TCF20: variants seen among roughly 807,000 people sequenced by gnomAD.
TCF20 encodes SPRE-binding protein.
Under a neutral mutation model 148.6 loss-of-function variants are expected in TCF20, and 3 were observed. The observed-to-expected ratio is 0.02, with a 90% CI of 0.01 to 0.05. The LOEUF (loss-of-function observed/expected upper bound fraction) is 0.05. Ranked by LOEUF, TCF20 falls within the 10% of genes least tolerant of loss-of-function variation. The pLI is 1.00. For synonymous variants in TCF20, 1,049 were observed against 909.5 expected (o/e 1.15, Z -2.76); for missense variants, 2,350 against 2,429.3 (o/e 0.97, Z 0.69).
chr22:42,189,818 C>T (rs1343482662), intron 2 of TCF20, among the ~76,000 whole-genome samples: 1 of 152,168 alleles, frequency 6.6e-6, no homozygotes, highest in Admixed American at 6.5e-5. Flanking sequence ...GTGTACCTTC[C>T]TTATATTCAG....
rs73887981 is a variant in TCF20 at position 42,262,754 on chromosome 22, G to A, written c.-37+7585C>T. Among the ~76,000 whole-genome samples the A allele has an allele frequency of 6.8e-3, 1,036 of 152,170 alleles. 7 individuals carry two copies. Among genetic ancestry groups the A allele is most frequent in the African/African-American group, 0.024 (1,003 of 41,500 alleles). On this transcript the variant is annotated intron_variant, in intron 1 of 5. Transcript: ENST00000677622. ...CAGCAGGCTGATGAGGAAATACATG[G>A]TCCCGCTCTGAGAACCCTCCAGTGA...
chr22:42,308,231 C>T (rs1287087997), intron 1 of TCF20, among the ~76,000 whole-genome samples: 7 of 152,020 alleles, frequency 4.6e-5, no homozygotes, highest in African/African-American at 1.2e-4. Flanking sequence ...TATAGTGAGG[C>T]GGGGGACCCA....
intron 1 of TCF20, among the ~76,000 whole-genome samples, chr22:42,230,105 C>T (rs2147273737): frequency 6.6e-6 from 1 of 152,322 alleles, no homozygotes. Context: ...CACATGCAGA[C>T]TTGTCTTCCA....
intron 2 of TCF20, among the ~76,000 whole-genome samples, chr22:42,197,398 C>CTG (rs1247766824): frequency 6.6e-6 from 1 of 151,112 alleles, no homozygotes; most frequent in African/African-American, 2.4e-5. Flanking sequence ...TCTCGGCTCA[C>CTG]TGCAAGCTCC....
intron 2 of TCF20, among the ~76,000 whole-genome samples, chr22:42,184,646 A>G (rs1008186182): frequency 9.9e-5 from 15 of 152,176 alleles, no homozygotes; most frequent in Non-Finnish European, 2.1e-4. Flanking sequence ...AAGTCCATAC[A>G]ATACTGCTCC....
chr22:42,256,660 C>CA lies in TCF20; in HGVS notation c.-37+13678dup, dbSNP rs752928507. Among the ~76,000 whole-genome samples, 20 of 151,938 alleles carry CA rather than the reference C, an allele frequency of 1.3e-4. No homozygotes were observed. In the South Asian group the frequency reaches 4.1e-3, roughly 32 times the overall value. ...TCACATCTACTAGAAAAACAAAAAACAAAAAACAAAAAAGTAGCATTAAGT... is the reference window on the plus strand; with the variant it reads ...TCACATCTACTAGAAAAACAAAAAACAAAAAAACAAAAAAGTAGCATTAAGT... On this transcript the variant is annotated intron_variant, in intron 1 of 5. Coordinates refer to ENST00000677622, the MANE Select transcript of TCF20 (RefSeq NM_001378418.1).
intron 1 of TCF20, among the ~76,000 whole-genome samples, chr22:42,295,483 G>A (rs1178470526): frequency 1.6e-5 from 2 of 122,314 alleles, no homozygotes; most frequent in East Asian, 4.7e-4. Context: ...TGCTCTTGTT[G>A]CCCGGGCTGG....
Position 42,306,060 on chromosome 22 carries a change from G to A in TCF20, c.-37+37419C>T, listed in dbSNP as rs536551801. 4.3e-3 allele frequency among the ~76,000 whole-genome samples: 651 copies of A among 152,286 alleles called. 10 individuals carry two copies. The highest frequency in any genetic ancestry group is 0.015 in the African/African-American group (626 of 41,554). On this transcript the variant is annotated intron_variant, in intron 1 of 1. Transcript: ENST00000515426. ...GCTTGGTGAGCCCATCTGAACATGG[G>A]AAAAACCTCCTGCCTCTGCGAGGGG...
At chr22:42,217,272 A>C (rs530817792) in intron 1 of TCF20, among the ~76,000 whole-genome samples, 1 of 152,172 alleles carries the variant, frequency 6.6e-6, no homozygotes, top group East Asian at 1.9e-4. Flanking sequence ...ACATATCTAC[A>C]TAGGAACTCT....
In TCF20 at chr22:42,215,130, C is replaced by T. The variant is rs767689409; in HGVS notation, c.176G>A (p.Arg59Gln). 17 of 1,613,958 alleles carry T rather than the reference C, an allele frequency of 1.1e-5. No homozygotes were observed. The highest frequency in any genetic ancestry group is 1.6e-4 in the Middle Eastern group (1 of 6,084). The change falls in exon 2 of 6, where the codon CGA becomes CAA. Residue 59 changes from arginine to glutamine, a missense_variant. Physicochemically the swap from Arg to Gln is conservative, Grantham distance 43 (BLOSUM62 1). Transcript: ENST00000677622. ...TGCCGCAGCAGCTGCTGCTCCTCGT[C>T]GTCCACCACCACTGCCACTGCCACT... ...GSSGSGSGGGRRGAAAAAAAM... is the reference protein window; with the variant it reads ...GSSGSGSGGGQRGAAAAAAAM...
intron 1 of TCF20, among the ~76,000 whole-genome samples, chr22:42,220,091 C>T (rs1345257383): frequency 6.6e-6 from 1 of 152,166 alleles, no homozygotes; most frequent in African/African-American, 2.4e-5. Context: ...GGGCTGATGA[C>T]CTTGCCCTCT....
At chr22:42,164,503 G>A (rs1247725013) in intron 5 of TCF20, among the ~76,000 whole-genome samples, 2 of 151,846 alleles carry the variant, frequency 1.3e-5, no homozygotes, top group East Asian at 1.9e-4. Flanking sequence ...GATTATAGGC[G>A]TTAGCCACTG....
Position 42,209,681 on chromosome 22 carries a change from C to G in TCF20, c.5625G>C (p.Leu1875=). ...IYLVCGRLYG[L]QEALEIAREM... ...CTCTGGCTATTTCCAGCGCTTCCTG[C>G]AGGCCATAGAGCCTGCCACAAACCA... The change falls in exon 2 of 6, where the codon CTG becomes CTC. Residue 1875 remains leucine (L), a synonymous_variant. Transcript: ENST00000677622. 2 of 1,612,728 alleles carry G rather than the reference C, an allele frequency of 1.2e-6. No individual in the cohort carries two copies. Among genetic ancestry groups the G allele is most frequent in the South Asian group, 1.1e-5 (1 of 90,790 alleles).
At chr22:42,266,495 T>C (rs5758688) in intron 1 of TCF20, among the ~76,000 whole-genome samples, 27,371 of 152,228 alleles carry the variant, frequency 0.18, 2,693 homozygotes, top group East Asian at 0.34. Context: ...CCAGGTGCAG[T>C]GGCTCATATC....
intron 3 of TCF20, among the ~76,000 whole-genome samples, chr22:42,173,526 A>C (rs1936262059): frequency 6.6e-6 from 1 of 152,212 alleles, no homozygotes; most frequent in African/African-American, 2.4e-5. Flanking sequence ...GAAAATGTTA[A>C]ACTGCTCTTT....
intron 2 of TCF20, among the ~76,000 whole-genome samples, chr22:42,188,988 A>C (rs949489942): frequency 6.6e-6 from 1 of 152,186 alleles, no homozygotes; most frequent in Non-Finnish European, 1.5e-5. Flanking sequence ...CCTGAGTCAT[A>C]AAGAGTGAGT....
Position 42,213,029 on chromosome 22 carries a change from A to T in TCF20, c.2277T>A (p.Gly759=). Residue 759 remains glycine (G), a synonymous_variant, in exon 2 of 6, where the codon GGT becomes GGA. Transcript: ENST00000677622. ...ATCTCCTGTCAGGGTGGTGGTGGTA[A>T]CCCTGAAGCACTTCCTGCAGGAGGC... is the stretch of plus-strand genomic sequence containing the variant. ...FPSLLQEVLQ[G]YHHHPDRRYS... 1 of 1,613,974 alleles carries T rather than the reference A, an allele frequency of 6.2e-7. No homozygotes were observed. The highest frequency in any genetic ancestry group is 8.5e-7 in the Non-Finnish European group (1 of 1,179,960).
intron 1 of TCF20, among the ~76,000 whole-genome samples, chr22:42,289,298 C>T (rs1182004009): frequency 6.6e-6 from 1 of 152,176 alleles, no homozygotes; most frequent in African/African-American, 2.4e-5. Flanking sequence ...CCTGCCACCA[C>T]ATCCCACCGA....
rs533056927 is a variant in TCF20 at position 42,255,413 on chromosome 22, C to A, written c.-37+14926G>T. Among the ~76,000 whole-genome samples, 105 of 151,882 alleles carry A rather than the reference C, an allele frequency of 6.9e-4. 3 individuals carry two copies. In the South Asian group the frequency reaches 0.02, roughly 28 times the overall value. On this transcript the variant is annotated intron_variant, in intron 1 of 5. Transcript: ENST00000677622. The stretch of plus-strand genomic sequence containing the variant: ...CTAAGGCAGGGGCATCACTTGAACC[C>A]GGGAGGAGGAGACTGCCATGAGCTG...
Sources: gnomAD v4.1 joint callset for allele counts (sites outside exome capture counted in the v4.1 genomes callset) on GRCh38, gnomAD v4.1.1 for gene constraint, MANE v1.5 for transcripts, NCBI Gene and HGNC (gene_info 2026-07-23, HGNC 2026-07-21) for gene names.